NRXN1: variants seen among roughly 807,000 people sequenced by gnomAD.
NRXN1 encodes neurexin 1.
NRXN1 carries 39 observed loss-of-function variants against 150.9 expected under a neutral mutation model. The ratio of observed to expected loss-of-function variants is 0.26; its 90% confidence interval spans 0.20 to 0.34. The LOEUF is 0.34. Ranked by LOEUF, NRXN1 falls within the 10% of genes least tolerant of loss-of-function variation. The pLI, the probability that NRXN1 is intolerant of heterozygous loss-of-function variation, is 1.00. For missense variants in NRXN1, 1,815 were observed against 1,949.9 expected (o/e 0.93, Z 1.30); for synonymous variants, 924 against 757.0 (o/e 1.22, Z -3.62).
At chr2:50,007,594 G>T (rs1322479994) in intron 21 of NRXN1, among the ~76,000 whole-genome samples, 1 of 152,092 alleles carries the variant, frequency 6.6e-6, no homozygotes, top group African/African-American at 2.4e-5. Flanking sequence ...GTATTCCCTA[G>T]TGTATATGTG....
At chr2:50,286,697 T>G (rs1201552188) in intron 17 of NRXN1, among the ~76,000 whole-genome samples, 2 of 152,060 alleles carry the variant, frequency 1.3e-5, no homozygotes, top group Non-Finnish European at 1.5e-5. Context: ...ATCCTATTAT[T>G]GATGTGAGTA....
chr2:50,009,768 A>T (rs976173553), intron 21 of NRXN1, among the ~76,000 whole-genome samples: 9 of 152,176 alleles, frequency 5.9e-5, no homozygotes, highest in African/African-American at 2.2e-4. Context: ...CAGTAAAAGT[A>T]TTCACCAGAG....
At chr2:50,388,851 T>C (rs922880263) in intron 17 of NRXN1, among the ~76,000 whole-genome samples, 1 of 151,730 alleles carries the variant, frequency 6.6e-6, no homozygotes, top group African/African-American at 2.4e-5. Flanking sequence ...ATTGATTTTA[T>C]GCAACAGCAA....
chr2:50,463,836 T>C (rs1356212831), intron 17 of NRXN1: 1 of 151,674 alleles, frequency 6.6e-6, no homozygotes, highest in Non-Finnish European at 1.5e-5. Context: ...ATGAAAAATA[T>C]TTTCACACCA....
At chr2:50,469,738 T>A (rs2089277448) in intron 16 of NRXN1, among the ~76,000 whole-genome samples, 1 of 150,842 alleles carries the variant, frequency 6.6e-6, no homozygotes. Flanking sequence ...GGACAGAAAG[T>A]AATATTCTAA....
chr2:50,192,978 G>A (rs2061542817), intron 18 of NRXN1, among the ~76,000 whole-genome samples: 1 of 152,134 alleles, frequency 6.6e-6, no homozygotes, highest in Non-Finnish European at 1.5e-5. Context: ...CTGGGCTACT[G>A]TTGTGTATAT....
intron 17 of NRXN1, among the ~76,000 whole-genome samples, chr2:50,410,221 T>C (rs1208749311): frequency 1.3e-5 from 2 of 152,214 alleles, no homozygotes; most frequent in Non-Finnish European, 2.9e-5. Context: ...CCTCTAAATT[T>C]GTCTCTTTTT....
intron 2 of NRXN1, among the ~76,000 whole-genome samples, chr2:51,000,332 T>C (rs1040042412): frequency 9.2e-5 from 14 of 152,118 alleles, no homozygotes; most frequent in African/African-American, 3.1e-4. Flanking sequence ...TGAACATCAA[T>C]TACATTATAC....
chr2:49,995,668 C>G (rs1682819745), intron 21 of NRXN1, among the ~76,000 whole-genome samples: 1 of 150,466 alleles, frequency 6.6e-6, no homozygotes, highest in African/African-American at 2.4e-5. Context: ...GTAGTCCCAG[C>G]TACTCGGGAG....
intron 12 of NRXN1, among the ~76,000 whole-genome samples, chr2:50,519,557 A>AG (rs113809248): frequency 8.9e-4 from 135 of 152,102 alleles, no homozygotes; most frequent in African/African-American, 3.1e-3. Context: ...CAGTGTGTGA[A>AG]GGTTCCTTGG....
At chr2:50,352,209 A>G (rs909562982) in intron 17 of NRXN1, among the ~76,000 whole-genome samples, 6 of 152,162 alleles carry the variant, frequency 3.9e-5, no homozygotes, top group Admixed American at 6.5e-5. Flanking sequence ...TGAGAGGAAA[A>G]CACAAAAGAA....
At chr2:50,140,816 G>A (rs1050112878) in intron 18 of NRXN1, among the ~76,000 whole-genome samples, 1 of 151,720 alleles carries the variant, frequency 6.6e-6, no homozygotes, top group Non-Finnish European at 1.5e-5. Context: ...TCTGACTGAA[G>A]GACAATTAAT....
chr2:50,836,840 T>TAAAAAAAAAAAAAAAAAAAAAAAAAA (rs369557045), intron 5 of NRXN1, among the ~76,000 whole-genome samples: 2 of 114,094 alleles, frequency 1.8e-5, no homozygotes, highest in Non-Finnish European at 1.9e-5. Flanking sequence ...ATCATAATTG[T>TAAAAAAAAAAAAAAAAAAAAAAAAAA]AAAAAAAAAA....
intron 18 of NRXN1, among the ~76,000 whole-genome samples, chr2:50,125,989 G>A (rs939684504): frequency 2.0e-5 from 3 of 152,068 alleles, no homozygotes. Context: ...ACTCCATTAG[G>A]AAATATGCTG....
chr2:49,984,302 T>C (rs1680530175), intron 21 of NRXN1, among the ~76,000 whole-genome samples: 1 of 152,194 alleles, frequency 6.6e-6, no homozygotes, highest in Non-Finnish European at 1.5e-5. Context: ...AGAATTCACA[T>C]ATTTTAAGCC....
chr2:50,516,578 A>G (rs543154573), intron 12 of NRXN1, among the ~76,000 whole-genome samples: 35 of 152,262 alleles, frequency 2.3e-4, no homozygotes, highest in African/African-American at 6.5e-4. Context: ...CCTGGTGCCA[A>G]TCATGAACTG....
intron 5 of NRXN1, among the ~76,000 whole-genome samples, chr2:50,820,970 A>T (rs945388320): frequency 1.3e-5 from 2 of 152,170 alleles, no homozygotes; most frequent in Non-Finnish European, 2.9e-5. Context: ...TTAAATTGTC[A>T]ATAAAACTGC....
At chr2:50,119,481 GT>G (rs1703546307) in intron 18 of NRXN1, among the ~76,000 whole-genome samples, 2 of 151,560 alleles carry the variant, frequency 1.3e-5, no homozygotes, top group South Asian at 4.2e-4. Context: ...TCTTTGTCAT[GT>G]CTAAAGCCCC....
At chr2:50,276,907 C>A (rs1321094712) in intron 17 of NRXN1, among the ~76,000 whole-genome samples, 3 of 152,130 alleles carry the variant, frequency 2.0e-5, no homozygotes, top group Admixed American at 1.3e-4. Context: ...GTCTCTTTGG[C>A]CATTTCAATC....
Sources: gnomAD v4.1 joint callset for allele counts (sites outside exome capture counted in the v4.1 genomes callset) on GRCh38, gnomAD v4.1.1 for gene constraint, MANE v1.5 for transcripts, NCBI Gene and HGNC (gene_info 2026-07-23, HGNC 2026-07-21) for gene names.